Variants in TNRC6A observed in about 807,000 individuals in gnomAD.
The protein encoded by TNRC6A is trinucleotide repeat containing adaptor 6A, also known as trinucleotide repeat-containing gene 6A protein.
A neutral mutation model predicts 221.2 loss-of-function variants in TNRC6A; 44 were observed. The observed-to-expected ratio is 0.20, with a 90% confidence interval of 0.16 to 0.26. The LOEUF is 0.26. Among genes scored for constraint, TNRC6A ranks in the 10% least tolerant of loss-of-function variants. The probability of loss-of-function intolerance (pLI) is 1.00; values close to 1 mark genes in which losing one functional copy is unlikely to be tolerated. For missense variants in TNRC6A, 2,199 were observed against 2,404.4 expected (o/e 0.91, Z 1.79); for synonymous variants, 847 against 838.5 (o/e 1.01, Z -0.18).
intron 2 of TNRC6A, among the ~76,000 whole-genome samples, chr16:24,681,028 C>G (rs934536868): frequency 1.3e-5 from 2 of 152,066 alleles, no homozygotes; most frequent in Non-Finnish European, 2.9e-5. Flanking sequence ...CTCAGCCTCC[C>G]AAAGTGCTTA....
chr16:24,702,182 CT>C (rs371770211), intron 2 of TNRC6A, among the ~76,000 whole-genome samples: 32,513 of 119,364 alleles, frequency 0.27, 4,517 homozygotes, highest in Non-Finnish European at 0.34. Context: ...TTTCTTTTTT[CT>C]TTTTTTTTTT....
chr16:24,735,698 T>C (rs2151221570), intron 2 of TNRC6A, among the ~76,000 whole-genome samples: 1 of 152,352 alleles, frequency 6.6e-6, no homozygotes, highest in South Asian at 2.1e-4. Flanking sequence ...TTTTGGCATC[T>C]GAAATGTCTG....
chr16:24,666,639 GAAAAAA>G lies in TNRC6A; in HGVS notation n.402+25655_402+25660del, dbSNP rs1164353374. Among the ~76,000 whole-genome samples the G allele has an allele frequency of 2.9e-3, 90 of 31,458 alleles. No individual in the cohort carries two copies. The East Asian group carries it at 0.059, about 21-fold the overall frequency. 20.6% of individuals were successfully genotyped at this position (31,458 alleles called of 152,430 possible). ...TGACAGAGCAAGACCCTGTCTTAGAGAAAAAAAAAAAAAAAAAAAAAAAAAAAAAAT... is the reference window on the plus strand; with the variant it reads ...TGACAGAGCAAGACCCTGTCTTAGAGAAAAAAAAAAAAAAAAAAAAAAAAT... On this transcript the variant is annotated intron_variant and non_coding_transcript_variant, in intron 2 of 2. Transcript: ENST00000566108.
At chr16:24,717,491 T>TAAG (rs2056334276) in intron 2 of TNRC6A, among the ~76,000 whole-genome samples, 1 of 152,118 alleles carries the variant, frequency 6.6e-6, no homozygotes, top group Admixed American at 6.6e-5. Flanking sequence ...AAGGACCTAA[T>TAAG]AAGAGGCAGA....
intron 2 of TNRC6A, among the ~76,000 whole-genome samples, chr16:24,650,689 A>C (rs1012139851): frequency 3.9e-5 from 6 of 152,046 alleles, no homozygotes; most frequent in Non-Finnish European, 5.9e-5. Context: ...AAAGAAAGAA[A>C]AAAAGGATTC....
chr16:24,789,906 A>G lies in TNRC6A; in HGVS notation c.1264A>G (p.Ser422Gly). ...TGGTTCTACCCATGGTACCTGGGGA[A>G]GCCTTCAGGAAACTTGTGAATCTGA... is the stretch of plus-strand genomic sequence containing the variant. ...SGGSTHGTWG[S>G]LQETCESEVS... The change falls in exon 6 of 25, where the codon AGC becomes GGC. Residue 422 changes from serine to glycine, a missense_variant. Around this residue, in one of 8 missense-constraint regions of TNRC6A, gnomAD observed 1,405 missense variants for 1,400.2 expected, o/e 1.00. Transcript: ENST00000395799. 2 of 1,613,968 alleles carry G rather than the reference A, an allele frequency of 1.2e-6. No homozygotes were observed. The highest frequency in any genetic ancestry group is 8.5e-7 in the Non-Finnish European group (1 of 1,179,966).
Position 24,820,296 on chromosome 16 carries a change from G to C in TNRC6A, c.5238G>C (p.Thr1746=). The C allele has an allele frequency of 1.2e-6, 2 of 1,614,164 alleles. No homozygotes were observed. The highest frequency in any genetic ancestry group is 1.7e-6 in the Non-Finnish European group (2 of 1,180,038). The change falls in exon 22 of 25, where the codon ACG becomes ACC. Residue 1746 remains threonine, a synonymous_variant. Transcript: ENST00000395799. ...GLTGQKPPLS[T]WDNSPLRIGG... is the part of the protein sequence containing the mutation. ...CTGGTCAGAAGCCACCCTTGTCTAC[G>C]TGGGATAATTCTCCCCTTCGTATAG... is the stretch of plus-strand genomic sequence containing the variant.
At chr16:24,754,267 C>T (rs1474561463) in intron 3 of TNRC6A, among the ~76,000 whole-genome samples, 8 of 151,972 alleles carry the variant, frequency 5.3e-5, no homozygotes, top group East Asian at 1.9e-4. Flanking sequence ...ACGATATTTT[C>T]GTTTTGATAG....
chr16:24,628,800 C>T (rs1182091664), intron 1 of TNRC6A, among the ~76,000 whole-genome samples: 2 of 150,642 alleles, frequency 1.3e-5, no homozygotes, highest in Non-Finnish European at 2.9e-5. Context: ...AATGTCGGTG[C>T]CCCTAACTCC....
intron 2 of TNRC6A, among the ~76,000 whole-genome samples, chr16:24,682,993 G>C (rs949570834): frequency 6.6e-6 from 1 of 152,194 alleles, no homozygotes; most frequent in Non-Finnish European, 1.5e-5. Flanking sequence ...GGCTCAGAGA[G>C]ATTCATTAAC....
chr16:24,629,122 TATCTA>T (rs1279487937), intron 1 of TNRC6A, among the ~76,000 whole-genome samples: 6 of 152,210 alleles, frequency 3.9e-5, no homozygotes, highest in Non-Finnish European at 5.9e-5. Flanking sequence ...TAGTATATCT[TATCTA>T]AAGTTATGTA....
At chr16:24,722,346 T>C (rs2056423703) in intron 2 of TNRC6A, among the ~76,000 whole-genome samples, 1 of 152,146 alleles carries the variant, frequency 6.6e-6, no homozygotes, top group Non-Finnish European at 1.5e-5. Context: ...CCCAGGAGTT[T>C]GAGGCTGCAA....
intron 2 of TNRC6A, among the ~76,000 whole-genome samples, chr16:24,738,790 A>C (rs908125592): frequency 6.6e-6 from 1 of 152,132 alleles, no homozygotes; most frequent in Admixed American, 6.5e-5. Context: ...TTTCAATTCT[A>C]TTGGTTATAT....
In TNRC6A at chr16:24,777,284, A is replaced by C; in HGVS notation, c.515A>C (p.Gln172Pro). 6.2e-7 allele frequency: 1 copy of C among 1,614,218 alleles called. No homozygotes were observed. The highest frequency in any genetic ancestry group is 8.5e-7 in the Non-Finnish European group (1 of 1,180,038). ...LGSAVKVLNS[Q>P]SESSALTNQQ... The stretch of plus-strand genomic sequence containing the variant: ...TCTGCTGTTAAGGTGTTAAACAGCC[A>C]GTCAGAAAGCAGTGCTTTAACAAAT... The change falls in exon 5 of 25, where the codon CAG (glutamine) becomes CCG (proline). Residue 172 changes from glutamine (Q) to proline (P), a missense_variant. By Grantham distance (76) the Gln-to-Pro change is moderately conservative. Coordinates refer to ENST00000395799, the MANE Select transcript of TNRC6A (RefSeq NM_014494.4).
intron 10 of TNRC6A, 133 bp downstream of exon 10, chr16:24,797,703 C>T: frequency 1.1e-6 from 1 of 884,724 alleles, no homozygotes. Flanking sequence ...GTAAAATCGG[C>T]CTCCAAACCT....
At chr16:24,812,159 C>T (rs2058559935) in intron 18 of TNRC6A, among the ~76,000 whole-genome samples, 2 of 148,088 alleles carry the variant, frequency 1.4e-5, no homozygotes, top group Non-Finnish European at 3.0e-5. Context: ...AAGTGGTTCT[C>T]GTGCCTCAGC....
At chr16:24,675,553 C>T (rs969149619) in intron 2 of TNRC6A, among the ~76,000 whole-genome samples, 19 of 150,974 alleles carry the variant, frequency 1.3e-4, no homozygotes, top group African/African-American at 4.4e-4. Flanking sequence ...TGGTGGTGCA[C>T]AACTGTAATC....
In TNRC6A at chr16:24,752,225, G is replaced by C. The variant is rs1297659824; in HGVS notation, c.141+1412G>C. ...ACTATTAAAGTAATCCACAGAATTT[G>C]TTTAAAGGATATAGAGGGAGAGTCA... On this transcript the variant is annotated intron_variant, in intron 3 of 24. Transcript: ENST00000395799. Among the ~76,000 whole-genome samples, 5 of 152,210 alleles carry C rather than the reference G, an allele frequency of 3.3e-5. No homozygotes were observed. In the East Asian group the frequency reaches 9.6e-4, roughly 29 times the overall value.
chr16:24,819,834 A>G, intron 21 of TNRC6A: 2 of 325,590 alleles, frequency 6.1e-6, no homozygotes, highest in Non-Finnish European at 1.1e-5. Context: ...GAATTTCACA[A>G]TTGCTATTTT....
Sources: gnomAD v4.1 joint callset for allele counts (sites outside exome capture counted in the v4.1 genomes callset) on GRCh38, gnomAD v4.1.1 for gene constraint, gnomAD v4.1.1 regional missense constraint, MANE v1.5 for transcripts, NCBI Gene and HGNC (gene_info 2026-07-23, HGNC 2026-07-21) for gene names.